The following CFI variants were observed in gnomAD, a reference collection of about 807,000 sequenced individuals.
CFI encodes the protein complement factor I.
A neutral mutation model predicts 78.8 loss-of-function variants in CFI; 66 were observed. The ratio of observed to expected loss-of-function variants is 0.84; its 90% CI spans 0.69 to 1.03. The LOEUF is 1.03. CFI is among the 50% of genes least tolerant of loss of function. CFI has a pLI of 0.00. For synonymous variants in CFI, 250 were observed against 232.6 expected, an observed-to-expected ratio of 1.07 and a Z score of -0.68; for missense variants, 706 against 704.5, an observed-to-expected ratio of 1.00 and a Z score of -0.02.
intron 1 of CFI, among the ~76,000 whole-genome samples, chr4:109,797,565 A>G (rs1732214663): frequency 7.0e-6 from 1 of 142,220 alleles, no homozygotes; most frequent in African/African-American, 3.0e-5. Flanking sequence ...AAAAGCAAAA[A>G]CAGACAAGTG....
chr4:109,736,869 CCTAA>C (rs113363608), downstream of CFI, among the ~76,000 whole-genome samples: 11 of 152,186 alleles, frequency 7.2e-5, 1 homozygote, highest in East Asian at 1.9e-4. Flanking sequence ...TCAAAATATC[CCTAA>C]CTGTCTAAAT....
chr4:109,764,179 T>C (rs1727433584), intron 3 of CFI, among the ~76,000 whole-genome samples: 1 of 151,572 alleles, frequency 6.6e-6, no homozygotes, highest in Non-Finnish European at 1.5e-5. Flanking sequence ...AACTATATTA[T>C]ATAACTATAA....
chr4:109,752,845 C>T (rs1297239345), intron 7 of CFI, among the ~76,000 whole-genome samples: 1 of 139,354 alleles, frequency 7.2e-6, no homozygotes, highest in East Asian at 2.0e-4. Flanking sequence ...CAACTCTCTG[C>T]ATCCCCAGGG....
chr4:109,756,977 G>GAA (rs1380821599), intron 7 of CFI, among the ~76,000 whole-genome samples: 5 of 141,046 alleles, frequency 3.5e-5, no homozygotes, highest in African/African-American at 1.1e-4. Context: ...AAGAAAGAAA[G>GAA]AAATTCTGAG....
intron 1 of CFI, among the ~76,000 whole-genome samples, chr4:109,774,019 GA>G (rs1203089695): frequency 6.6e-6 from 1 of 152,128 alleles, no homozygotes; most frequent in Non-Finnish European, 1.5e-5. Flanking sequence ...GTGGAATGTG[GA>G]AAAAATATCA....
intron 1 of CFI, among the ~76,000 whole-genome samples, chr4:109,790,253 A>G (rs1295478727): frequency 1.3e-5 from 2 of 151,964 alleles, no homozygotes; most frequent in Non-Finnish European, 2.9e-5. Context: ...ATTTCCAAAG[A>G]ACGAACTTGT....
At chr4:109,792,091 C>T (rs62324937) in intron 1 of CFI, among the ~76,000 whole-genome samples, 35,652 of 151,968 alleles carry the variant, frequency 0.23, 4,903 homozygotes, top group Admixed American at 0.36. Flanking sequence ...AAGTCCTATA[C>T]GGTCTATCTT....
At chr4:109,744,340 C>G (rs902392536) in intron 11 of CFI, among the ~76,000 whole-genome samples, 7 of 152,036 alleles carry the variant, frequency 4.6e-5, no homozygotes, top group African/African-American at 1.7e-4. Flanking sequence ...TAATATACTC[C>G]AGGAAAAATA....
chr4:109,741,080 T>C lies in CFI; in HGVS notation c.1565A>G (p.Lys522Arg). The C allele has an allele frequency of 3.7e-6, 6 of 1,614,156 alleles. No homozygotes were observed. The highest frequency in any genetic ancestry group is 5.1e-6 in the Non-Finnish European group (6 of 1,179,998). The stretch of plus-strand genomic sequence containing the variant: ...GACTAAGGGGCCTCCAGAGTCCCCT[T>C]TACAGGCATCGATGGAACCATCATA... ...GTYDGSIDAC[K>R]GDSGGPLVCM... is the part of the protein sequence containing the mutation. The change falls in exon 13 of 13, where the codon AAA (lysine) becomes AGA (arginine). Residue 522 changes from lysine (K) to arginine (R), a missense_variant. Coordinates refer to ENST00000394634, the MANE Select transcript of CFI (RefSeq NM_000204.5).
chr4:109,768,643 T>C (rs1728150659), intron 1 of CFI, among the ~76,000 whole-genome samples: 1 of 152,170 alleles, frequency 6.6e-6, no homozygotes, highest in Non-Finnish European at 1.5e-5. Context: ...CAATGCTGTC[T>C]CCCTGTCCCC....
intron 1 of CFI, among the ~76,000 whole-genome samples, chr4:109,784,580 A>C (rs1339080089): frequency 6.6e-6 from 1 of 152,040 alleles, no homozygotes; most frequent in East Asian, 1.9e-4. Context: ...AACACCAATG[A>C]AAAACAAAAA....
chr4:109,771,860 A>C (rs1382140022), intron 1 of CFI, among the ~76,000 whole-genome samples: 1 of 151,964 alleles, frequency 6.6e-6, no homozygotes, highest in Non-Finnish European at 1.5e-5. Flanking sequence ...GGATTTCATC[A>C]TGGTTATAGG....
intron 1 of CFI, among the ~76,000 whole-genome samples, chr4:109,784,684 G>C (rs1730520256): frequency 6.6e-6 from 1 of 152,100 alleles, no homozygotes; most frequent in South Asian, 2.1e-4. Flanking sequence ...GATATGACAA[G>C]AAGTCAGTTC....
At chr4:109,795,250 C>T (rs1366736710) in intron 1 of CFI, among the ~76,000 whole-genome samples, 1 of 152,110 alleles carries the variant, frequency 6.6e-6, no homozygotes, top group Non-Finnish European at 1.5e-5. Context: ...GACCACAGCA[C>T]CGAGCCCACT....
chr4:109,758,108 G>A (rs1220681824), intron 6 of CFI: 2 of 509,660 alleles, frequency 3.9e-6, no homozygotes, highest in Non-Finnish European at 6.5e-6. Flanking sequence ...CTAAATAAGA[G>A]TAAACTGAAG....
intron 1 of CFI, among the ~76,000 whole-genome samples, chr4:109,791,863 G>T (rs1051318965): frequency 5.9e-5 from 9 of 152,088 alleles, no homozygotes; most frequent in Non-Finnish European, 1.0e-4. Flanking sequence ...TTGGTATGTT[G>T]TGTTTTGTTT....
At chr4:109,745,186 G>T (rs561827301) in intron 11 of CFI, among the ~76,000 whole-genome samples, 17 of 152,152 alleles carry the variant, frequency 1.1e-4, no homozygotes, top group African/African-American at 4.1e-4. Context: ...TTTCTGTTAT[G>T]CTTGTGGTTG....
chr4:109,793,386 AT>A (rs1219207407), intron 1 of CFI: 2 of 152,396 alleles, frequency 1.3e-5, no homozygotes, highest in South Asian at 2.1e-4. Context: ...CAAAACCAAA[AT>A]AATATAATAC....
At chr4:109,766,948 G>A in intron 1 of CFI, 124 bp from the exon 2 acceptor site, 1 of 932,432 alleles carries the variant, frequency 1.1e-6, no homozygotes, top group Non-Finnish European at 1.6e-6. Context: ...GGTGTTGTCT[G>A]GTGGCTTCAA....
Sources: gnomAD v4.1 joint callset for allele counts (sites outside exome capture counted in the v4.1 genomes callset) on GRCh38, gnomAD v4.1.1 for gene constraint, MANE v1.5 for transcripts, NCBI Gene and HGNC (gene_info 2026-07-23, HGNC 2026-07-21) for gene names.